The following MEIS1 variants were observed in gnomAD, a reference collection of about 807,000 sequenced individuals.
MEIS1 encodes the protein homeobox protein Meis1.
A neutral mutation model predicts 50.8 loss-of-function variants in MEIS1; 5 were observed. The ratio of observed to expected loss-of-function variants is 0.10; its 90% CI spans 0.05 to 0.21. The LOEUF (loss-of-function observed/expected upper bound fraction) is 0.21. Among genes scored for constraint, MEIS1 ranks in the 10% least tolerant of loss-of-function variants. The probability of loss-of-function intolerance (pLI) is 1.00; values close to 1 mark genes in which losing one functional copy is unlikely to be tolerated. For missense variants in MEIS1, 318 were observed against 517.3 expected (o/e 0.61, Z 3.74); for synonymous variants, 176 against 179.3 (o/e 0.98, Z 0.15).
chr2:66,524,842 G>A (rs1453376282), intron 8 of MEIS1, among the ~76,000 whole-genome samples: 2 of 152,162 alleles, frequency 1.3e-5, no homozygotes, highest in Admixed American at 1.3e-4. Context: ...TTAAAAAAGT[G>A]AAAGTCTATC....
intron 2 of MEIS1, chr2:66,439,019 A>C (rs1337668185): frequency 1.4e-4 from 22 of 152,346 alleles, no homozygotes; most frequent in Admixed American, 1.4e-3. Flanking sequence ...AGAGCTAATA[A>C]AAGACTTGAG....
At chr2:66,461,874 G>T (rs1050633928) in intron 6 of MEIS1, 1 of 470,712 alleles carries the variant, frequency 2.1e-6, no homozygotes, top group African/African-American at 2.0e-5. Context: ...GAAGAAAAAT[G>T]GTGATGAAAA....
intron 11 of MEIS1, 104 bp downstream of exon 11, chr2:66,568,860 T>A: frequency 1.7e-6 from 2 of 1,199,540 alleles, no homozygotes; most frequent in Non-Finnish European, 2.5e-6. Context: ...TATCTCAAGC[T>A]GGCTGCCTTG....
chr2:66,472,526 T>C (rs1672787092), intron 7 of MEIS1, among the ~76,000 whole-genome samples: 1 of 152,222 alleles, frequency 6.6e-6, no homozygotes, highest in South Asian at 2.1e-4. Context: ...TCCTGTGTGC[T>C]ACCAAGAACA....
chr2:66,504,440 TG>T (rs1673639215), intron 7 of MEIS1, among the ~76,000 whole-genome samples: 1 of 151,904 alleles, frequency 6.6e-6, no homozygotes, highest in African/African-American at 2.4e-5. Flanking sequence ...TTCACTATGT[TG>T]GGCAGGCTGC....
intron 7 of MEIS1, among the ~76,000 whole-genome samples, chr2:66,467,376 G>C (rs1010142131): frequency 6.6e-6 from 1 of 151,870 alleles, no homozygotes; most frequent in Non-Finnish European, 1.5e-5. Flanking sequence ...GTAGGGGGGG[G>C]TCACAAGGTC....
At chr2:66,514,054 G>A (rs1290835278) in intron 8 of MEIS1, among the ~76,000 whole-genome samples, 1 of 152,138 alleles carries the variant, frequency 6.6e-6, no homozygotes. Flanking sequence ...TTGGTGTGGT[G>A]GATAAAATCA....
intron 6 of MEIS1, among the ~76,000 whole-genome samples, chr2:66,450,599 G>A (rs906504863): frequency 2.0e-5 from 3 of 152,162 alleles, no homozygotes; most frequent in East Asian, 1.9e-4. Flanking sequence ...CTGCTTTTAC[G>A]TTTTAACCAA....
intron 6 of MEIS1, among the ~76,000 whole-genome samples, chr2:66,452,007 C>T (rs1012840410): frequency 2.0e-4 from 30 of 151,732 alleles, no homozygotes; most frequent in African/African-American, 7.2e-4. Flanking sequence ...TCATAAAATC[C>T]AGCCAATATA....
intron 7 of MEIS1, among the ~76,000 whole-genome samples, chr2:66,485,489 T>C (rs2103794695): frequency 6.6e-6 from 1 of 152,272 alleles, no homozygotes; most frequent in East Asian, 1.9e-4. Context: ...CACATTTTCT[T>C]TATCCTACAT....
At chr2:66,499,064 C>T (rs1673484222) in intron 7 of MEIS1, among the ~76,000 whole-genome samples, 1 of 152,176 alleles carries the variant, frequency 6.6e-6, no homozygotes, top group Non-Finnish European at 1.5e-5. Flanking sequence ...GTGTGAGTGG[C>T]ACTACAAATT....
intron 8 of MEIS1, among the ~76,000 whole-genome samples, chr2:66,516,633 T>C (rs1673977606): frequency 6.6e-6 from 1 of 151,956 alleles, no homozygotes; most frequent in Admixed American, 6.6e-5. Context: ...TGATTTCTGA[T>C]TTATAAGACT....
chr2:66,558,290 AAAAAAAAAAAAAAAG>A (rs1675123772), intron 9 of MEIS1, among the ~76,000 whole-genome samples: 2 of 150,040 alleles, frequency 1.3e-5, no homozygotes, highest in East Asian at 1.9e-4. Flanking sequence ...AAAAAAAAAA[AAAAAAAAAAAAAAAG>A]AAAAAAAGAA....
intron 9 of MEIS1, among the ~76,000 whole-genome samples, chr2:66,561,675 CTAAT>C (rs1426216424): frequency 6.6e-6 from 1 of 152,206 alleles, no homozygotes; most frequent in Non-Finnish European, 1.5e-5. Context: ...ATCAATCTAA[CTAAT>C]TAACAAAATC....
At chr2:66,487,691 A>C (rs1673175775) in intron 7 of MEIS1, among the ~76,000 whole-genome samples, 1 of 152,214 alleles carries the variant, frequency 6.6e-6, no homozygotes, top group Non-Finnish European at 1.5e-5. Flanking sequence ...TGTCCTTGAA[A>C]TACAGGTTGT....
intron 8 of MEIS1, among the ~76,000 whole-genome samples, chr2:66,546,781 T>C (rs1462346512): frequency 1.3e-5 from 2 of 152,202 alleles, no homozygotes; most frequent in African/African-American, 4.8e-5. Flanking sequence ...CTCTCTGCTG[T>C]TCACAAACAA....
chr2:66,460,188 T>A (rs948368375), intron 6 of MEIS1, among the ~76,000 whole-genome samples: 1 of 152,192 alleles, frequency 6.6e-6, no homozygotes, highest in African/African-American at 2.4e-5. Context: ...ACAATTCAGA[T>A]TCATTCCCTA....
intron 7 of MEIS1, chr2:66,495,926 AG>A (rs1319103598): frequency 6.6e-6 from 1 of 152,420 alleles, no homozygotes; most frequent in African/African-American, 2.4e-5. Context: ...GCCAGCAAGA[AG>A]GAATTCTAGG....
chr2:66,489,043 T>C (rs1031403440), intron 7 of MEIS1, among the ~76,000 whole-genome samples: 1 of 152,234 alleles, frequency 6.6e-6, no homozygotes, highest in Non-Finnish European at 1.5e-5. Flanking sequence ...AAATGGGATG[T>C]ATTATTTGAA....
Sources: allele counts gnomAD v4.1 joint callset (sites outside exome capture counted in the v4.1 genomes callset), GRCh38; gene constraint gnomAD v4.1.1; transcripts MANE v1.5; gene names NCBI Gene and HGNC (gene_info 2026-07-23, HGNC 2026-07-21).